The following PLXDC2 variants were observed in gnomAD, a reference collection of about 807,000 sequenced individuals.
The protein encoded by PLXDC2 is plexin domain containing 2.
In PLXDC2, 40 loss-of-function variants were observed where a neutral mutation model predicts 68.9. The ratio of observed to expected loss-of-function variants is 0.58; its 90% CI spans 0.45 to 0.76. PLXDC2 has a LOEUF of 0.76. PLXDC2 is among the 30% of genes least tolerant of loss of function. PLXDC2 has a pLI of 0.00. For synonymous variants in PLXDC2, 243 were observed against 234.2 expected, an observed-to-expected ratio of 1.04 and a Z score of -0.34; for missense variants, 644 against 661.9, an observed-to-expected ratio of 0.97 and a Z score of 0.30.
intron 9 of PLXDC2, among the ~76,000 whole-genome samples, chr10:20,181,924 G>T (rs1452670742): frequency 6.6e-6 from 1 of 151,964 alleles, no homozygotes; most frequent in Non-Finnish European, 1.5e-5. Context: ...TTTGTTTGGG[G>T]AGTGGTTTAG....
chr10:20,168,180 G>A (rs1301267770), intron 7 of PLXDC2, among the ~76,000 whole-genome samples: 1 of 151,940 alleles, frequency 6.6e-6, no homozygotes, highest in Non-Finnish European at 1.5e-5. Context: ...TAAAAAAGGT[G>A]GAAATTAAAA....
chr10:20,189,563 A>G (rs1834736610), intron 9 of PLXDC2, among the ~76,000 whole-genome samples: 1 of 147,210 alleles, frequency 6.8e-6, no homozygotes, highest in Non-Finnish European at 1.5e-5. Context: ...ACACATATAT[A>G]TATATACACA....
At chr10:20,211,618 C>A (rs768058456) in intron 9 of PLXDC2, 51 bp from the exon 10 acceptor site, 1 of 1,566,882 alleles carries the variant, frequency 6.4e-7, no homozygotes, top group Non-Finnish European at 8.8e-7. Context: ...CTGTCCACCA[C>A]CCTGCACCCT....
intron 2 of PLXDC2, among the ~76,000 whole-genome samples, chr10:20,033,427 G>GTAT (rs1261189723): frequency 6.6e-6 from 1 of 152,064 alleles, no homozygotes; most frequent in Non-Finnish European, 1.5e-5. Flanking sequence ...GGCATTCCAA[G>GTAT]TATTATAGCA....
chr10:20,014,382 GCTTC>G (rs539488828), intron 2 of PLXDC2, among the ~76,000 whole-genome samples: 4,420 of 79,076 alleles, frequency 0.056, 176 homozygotes, highest in Middle Eastern at 0.071. Context: ...TTCCTTCCTT[GCTTC>G]CTTCCTTCCT....
At chr10:20,053,038 G>A (rs145884177) in intron 3 of PLXDC2, among the ~76,000 whole-genome samples, 155 of 152,220 alleles carry the variant, frequency 1.0e-3, no homozygotes, top group Non-Finnish European at 1.5e-3. Flanking sequence ...AGAGGAGGAG[G>A]ATGGAAATAA....
intron 13 of PLXDC2, among the ~76,000 whole-genome samples, chr10:20,265,407 A>G (rs1835859605): frequency 6.6e-6 from 1 of 152,152 alleles, no homozygotes; most frequent in Admixed American, 6.6e-5. Context: ...CACATCTCAT[A>G]TTTCAGCTTG....
chr10:19,959,933 C>T (rs1366719133), intron 1 of PLXDC2, among the ~76,000 whole-genome samples: 1 of 152,136 alleles, frequency 6.6e-6, no homozygotes, highest in East Asian at 1.9e-4. Flanking sequence ...CCTATTTTTT[C>T]TGTGCTGTAC....
chr10:20,165,267 C>CT (rs920036323), intron 7 of PLXDC2, among the ~76,000 whole-genome samples: 11 of 150,006 alleles, frequency 7.3e-5, no homozygotes, highest in Middle Eastern at 3.5e-3. Context: ...TTTGTGCTAT[C>CT]TTTTTTTTTT....
chr10:20,020,346 C>CTG (rs984280411), intron 2 of PLXDC2, among the ~76,000 whole-genome samples: 3 of 151,872 alleles, frequency 2.0e-5, no homozygotes, highest in Admixed American at 1.3e-4. Flanking sequence ...CATGGATAGC[C>CTG]GACAATACCA....
rs1006117908 is a variant in PLXDC2 at position 20,287,681 on chromosome 10, G to A, written c.*7862G>A. 1 of 152,104 alleles carries A rather than the reference G, an allele frequency of 6.6e-6. No homozygotes were observed. Among genetic ancestry groups the A allele is most frequent in the Non-Finnish European group, 1.5e-5 (1 of 68,016 alleles). 9.4% of individuals were successfully genotyped at this position (152,104 alleles called of 1,614,324 possible). On this transcript the variant is annotated 3_prime_UTR_variant, in exon 14 of 14. Transcript: ENST00000377252. ...TAGGGAAATCAGTGAAGTCTCTTTA[G>A]AAACAGACATCTTGTGTATGGCGTA...
intron 1 of PLXDC2, among the ~76,000 whole-genome samples, chr10:19,950,875 G>C (rs779031744): frequency 6.6e-6 from 1 of 152,122 alleles, no homozygotes; most frequent in Admixed American, 6.6e-5. Context: ...ATTGTTGACA[G>C]AGTTGACAGA....
chr10:19,888,115 C>G (rs1445455548), intron 1 of PLXDC2, among the ~76,000 whole-genome samples: 1 of 152,208 alleles, frequency 6.6e-6, no homozygotes, highest in Non-Finnish European at 1.5e-5. Context: ...AAAGCACTCC[C>G]TTTTTGAAGA....
intron 1 of PLXDC2, among the ~76,000 whole-genome samples, chr10:19,926,906 C>T (rs985248196): frequency 6.6e-6 from 1 of 152,164 alleles, no homozygotes; most frequent in African/African-American, 2.4e-5. Context: ...ACAGGTAGCT[C>T]CTAACCTAGG....
In PLXDC2 at chr10:20,057,996, A is replaced by AT. The variant is rs556942140; in HGVS notation, c.472-10165dup. 4.6e-3 allele frequency among the ~76,000 whole-genome samples: 700 copies of AT among 151,788 alleles called. 4 individuals are homozygous for AT. The highest frequency in any genetic ancestry group is 0.013 in the African/African-American group (559 of 41,408). On this transcript the variant is annotated intron_variant, in intron 3 of 13. Transcript: ENST00000377252. Reference sequence around the variant, plus strand: ...CTTTCATTTGGGATGATTTCCAATAATTTTTTTTTAAAAAAAGAGAAGTTA... The same window carrying AT: ...CTTTCATTTGGGATGATTTCCAATAATTTTTTTTTTAAAAAAAGAGAAGTTA...
At chr10:20,119,865 G>C (rs550275556) in intron 4 of PLXDC2, among the ~76,000 whole-genome samples, 131 of 143,160 alleles carry the variant, frequency 9.2e-4, no homozygotes, top group African/African-American at 3.4e-3. Context: ...ATATGGTTTT[G>C]TATGAATTGA....
chr10:20,206,050 A>C (rs1417944627), intron 9 of PLXDC2, among the ~76,000 whole-genome samples: 2 of 152,158 alleles, frequency 1.3e-5, no homozygotes, highest in Non-Finnish European at 2.9e-5. Context: ...CAAAAAGATC[A>C]GTATCTGAGA....
chr10:20,268,222 T>A (rs930643456), intron 13 of PLXDC2, among the ~76,000 whole-genome samples: 1 of 152,166 alleles, frequency 6.6e-6, no homozygotes, highest in Non-Finnish European at 1.5e-5. Flanking sequence ...AACCTCTGAA[T>A]TGATTTGACA....
At chr10:19,842,681 C>T (rs553784180) in intron 1 of PLXDC2, among the ~76,000 whole-genome samples, 51 of 152,120 alleles carry the variant, frequency 3.4e-4, no homozygotes, top group Non-Finnish European at 5.6e-4. Context: ...TTATCTTGCT[C>T]GGAGAAGGTG....
Sources: allele counts gnomAD v4.1 joint callset (sites outside exome capture counted in the v4.1 genomes callset), GRCh38; gene constraint gnomAD v4.1.1; transcripts MANE v1.5; gene names NCBI Gene and HGNC (gene_info 2026-07-23, HGNC 2026-07-21).